The following CCDC178 variants were observed in gnomAD, a reference collection of about 807,000 sequenced individuals.
CCDC178 encodes the protein coiled-coil domain-containing protein 178.
A neutral mutation model predicts 117.4 loss-of-function variants in CCDC178; 126 were observed. The ratio of observed to expected loss-of-function variants is 1.07; its 90% confidence interval spans 0.93 to 1.24. The LOEUF (loss-of-function observed/expected upper bound fraction) is 1.24, where lower values mean the gene tolerates loss of function less well. CCDC178 is among the 50% of genes most tolerant of loss of function. The pLI is 0.00. For missense variants in CCDC178, 1,030 were observed against 986.9 expected, an observed-to-expected ratio of 1.04 and a Z score of -0.59; for synonymous variants, 283 against 313.4, an observed-to-expected ratio of 0.90 and a Z score of 1.02.
At chr18:33,412,145 T>G in intron 2 of CCDC178, 35 bp from the exon 3 acceptor site, 1 of 809,146 alleles carries the variant, frequency 1.2e-6, no homozygotes, top group Non-Finnish European at 2.0e-6. Context: ...ATATCATGAA[T>G]CTAAATTAGT....
intron 20 of CCDC178, among the ~76,000 whole-genome samples, chr18:33,203,660 A>T (rs556415960): frequency 6.6e-5 from 10 of 152,306 alleles, no homozygotes; most frequent in African/African-American, 2.4e-4. Context: ...AACATAAGTC[A>T]GGACTTACCA....
chr18:32,962,926 C>T (rs1406361098), intron 22 of CCDC178, among the ~76,000 whole-genome samples: 2 of 151,966 alleles, frequency 1.3e-5, no homozygotes, highest in African/African-American at 4.8e-5. Context: ...ACTGAGTGGT[C>T]AAGAATGATT....
rs576629806 is a variant in CCDC178, at chr18:33,215,658, G to C, written c.1970C>G (p.Thr657Ser). Residue 657 changes from threonine to serine, a missense_variant, in exon 19 of 23, where the codon ACT (threonine) becomes AGT (serine). Thr to Ser is a moderately conservative substitution (Grantham distance 58). Transcript: ENST00000383096. ...RSAIFKDLEA[T>S]KSKTMIFYAK... ...ATAAAAAATCATTGTCTTACTTTTA[G>C]TTGCTTCTAGGTCTTTAAAAATTGC... The C allele has an allele frequency of 1.3e-5, 20 of 1,524,188 alleles. No individual in the cohort carries two copies. The Admixed American group carries it at 2.7e-4, about 20-fold the overall frequency. 94.4% of individuals were successfully genotyped at this position (1,524,188 alleles called of 1,614,324 possible). A position where few individuals can be genotyped will look rare whatever the true frequency, so the allele number is the denominator to read the frequency against.
At chr18:33,194,893 G>C (rs2058907358) in intron 20 of CCDC178, among the ~76,000 whole-genome samples, 1 of 90,470 alleles carries the variant, frequency 1.1e-5, no homozygotes, top group South Asian at 3.1e-4. Context: ...ATGAGACTCT[G>C]TTTCTACAAA....
At chr18:33,199,211 A>G (rs1453291554) in intron 20 of CCDC178, among the ~76,000 whole-genome samples, 2 of 152,142 alleles carry the variant, frequency 1.3e-5, no homozygotes, top group Non-Finnish European at 2.9e-5. Flanking sequence ...CAGTTAGTGT[A>G]TACCTAGTTG....
chr18:32,991,064 G>A (rs563753104), intron 21 of CCDC178, among the ~76,000 whole-genome samples: 3 of 151,386 alleles, frequency 2.0e-5, no homozygotes, highest in African/African-American at 7.3e-5. Context: ...TATATGCCAG[G>A]CATGGTGCAA....
chr18:33,201,196 C>T (rs2058986539), intron 20 of CCDC178, among the ~76,000 whole-genome samples: 1 of 152,156 alleles, frequency 6.6e-6, no homozygotes, highest in South Asian at 2.1e-4. Flanking sequence ...ACATATAATA[C>T]AATCTCTCCC....
At chr18:33,017,409 A>G (rs926486898) in intron 21 of CCDC178, among the ~76,000 whole-genome samples, 13 of 151,964 alleles carry the variant, frequency 8.6e-5, no homozygotes, top group African/African-American at 3.1e-4. Flanking sequence ...TTGTGGTCTA[A>G]AAGTATGAAT....
intron 21 of CCDC178, among the ~76,000 whole-genome samples, chr18:33,016,662 T>G (rs2055998518): frequency 6.6e-6 from 1 of 152,016 alleles, no homozygotes; most frequent in South Asian, 2.1e-4. Flanking sequence ...GTCAAGTTTT[T>G]GAATACTATT....
intron 22 of CCDC178, among the ~76,000 whole-genome samples, chr18:32,951,985 A>T (rs2054495880): frequency 6.6e-6 from 1 of 152,220 alleles, no homozygotes; most frequent in Admixed American, 6.5e-5. Context: ...TCCATGTCTC[A>T]TATCCAGGTC....
chr18:33,091,355 G>T (rs1445425510), intron 21 of CCDC178, among the ~76,000 whole-genome samples: 3 of 4,026 alleles, frequency 7.5e-4, no homozygotes, highest in Non-Finnish European at 2.9e-3. Context: ...TTTTTTTTTT[G>T]AGACGGAGTC....
intron 7 of CCDC178, among the ~76,000 whole-genome samples, chr18:33,349,894 A>G (rs1471703263): frequency 6.6e-6 from 1 of 151,862 alleles, no homozygotes; most frequent in Non-Finnish European, 1.5e-5. Flanking sequence ...TGCTTTAGTT[A>G]CTTGAAATTA....
Position 33,297,027 on chromosome 18 carries a change from T to C in CCDC178, c.1023-3715A>G, listed in dbSNP as rs1480492275. Among the ~76,000 whole-genome samples, 3 of 151,724 alleles carry C rather than the reference T, an allele frequency of 2.0e-5. No homozygotes were observed. The East Asian group carries it at 5.8e-4, about 29-fold the overall frequency. On this transcript the variant is annotated intron_variant, in intron 11 of 22. Coordinates refer to ENST00000383096, the MANE Select transcript of CCDC178 (RefSeq NM_001105528.4). ...TGACAGAGCAAGACTCCATCTCAAATAATAAACAAATAAATAAATATATAG... is the reference window on the plus strand; with the variant it reads ...TGACAGAGCAAGACTCCATCTCAAACAATAAACAAATAAATAAATATATAG...
intron 11 of CCDC178, among the ~76,000 whole-genome samples, chr18:33,312,336 C>G (rs571079265): frequency 1.0e-3 from 158 of 152,206 alleles, no homozygotes; most frequent in African/African-American, 3.5e-3. Flanking sequence ...ACTGTGTTAA[C>G]TCAGGGGTTA....
chr18:33,310,301 G>A (rs978921817), intron 11 of CCDC178, among the ~76,000 whole-genome samples: 1 of 152,076 alleles, frequency 6.6e-6, no homozygotes, highest in Non-Finnish European at 1.5e-5. Context: ...AAATCAAAAG[G>A]TCCACACGTG....
intron 15 of CCDC178, among the ~76,000 whole-genome samples, chr18:33,237,949 C>G (rs894210627): frequency 1.3e-5 from 2 of 152,168 alleles, no homozygotes; most frequent in Admixed American, 6.5e-5. Flanking sequence ...TGTCCCTGAT[C>G]TGAGAAACAG....
Position 33,412,394 on chromosome 18 carries a change from GC to G in CCDC178, c.-22-285del, listed in dbSNP as rs1185163559. Reference sequence around the variant, plus strand: ...AGATAATTTAGCATTGGCAATTGTAGCTATGGGTTCACAGCCCTGGGGGGAT... The same window carrying G: ...AGATAATTTAGCATTGGCAATTGTAGTATGGGTTCACAGCCCTGGGGGGAT... On this transcript the variant is annotated intron_variant, in intron 2 of 22. Transcript: ENST00000383096. Among the ~76,000 whole-genome samples, 39 of 151,972 alleles carry G rather than the reference GC, an allele frequency of 2.6e-4. No individual in the cohort carries two copies. In the East Asian group the frequency reaches 7.4e-3, roughly 29 times the overall value.
At chr18:33,206,131 C>G (rs1263113343) in intron 20 of CCDC178, among the ~76,000 whole-genome samples, 1 of 151,980 alleles carries the variant, frequency 6.6e-6, no homozygotes, top group Non-Finnish European at 1.5e-5. Flanking sequence ...ATTGCATCCC[C>G]CACCCCCCAA....
At chr18:33,261,739 TA>T (rs1315688054) in intron 14 of CCDC178, among the ~76,000 whole-genome samples, 1 of 152,152 alleles carries the variant, frequency 6.6e-6, no homozygotes, top group Non-Finnish European at 1.5e-5. Flanking sequence ...GTTATTTTAT[TA>T]AATTATAAAA....
Sources: allele counts gnomAD v4.1 joint callset (sites outside exome capture counted in the v4.1 genomes callset), GRCh38; gene constraint gnomAD v4.1.1; transcripts MANE v1.5; gene names NCBI Gene and HGNC (gene_info 2026-07-23, HGNC 2026-07-21).